Variants in GRIP1 observed in about 807,000 individuals in gnomAD.
GRIP1 encodes the protein glutamate receptor interacting protein 1.
Under a neutral mutation model 129.9 loss-of-function variants are expected in GRIP1, and 45 were observed. That is an observed-to-expected ratio of 0.35 (90% CI 0.27 to 0.44). The LOEUF is 0.44. Ranked by LOEUF, GRIP1 falls within the 20% of genes least tolerant of loss-of-function variation. The probability of loss-of-function intolerance (pLI) is 1.00; values close to 1 mark genes in which losing one functional copy is unlikely to be tolerated. For missense variants in GRIP1, 1,196 were observed against 1,396.8 expected, an observed-to-expected ratio of 0.86 and a Z score of 2.29; for synonymous variants, 530 against 520.8, an observed-to-expected ratio of 1.02 and a Z score of -0.24.
chr12:66,599,406 C>G (rs190168064), intron 1 of GRIP1, among the ~76,000 whole-genome samples: 2 of 152,290 alleles, frequency 1.3e-5, no homozygotes, highest in East Asian at 3.9e-4. Flanking sequence ...GGCATAGCAG[C>G]AGAGCAGCAT....
intron 1 of GRIP1, among the ~76,000 whole-genome samples, chr12:66,817,577 T>G (rs972688739): frequency 1.3e-5 from 2 of 151,660 alleles, no homozygotes; most frequent in African/African-American, 4.8e-5. Flanking sequence ...GCCTGGCTAA[T>G]TTTGTATTTT....
At chr12:66,956,918 C>G (rs1156632229) in intron 1 of GRIP1, among the ~76,000 whole-genome samples, 4 of 152,188 alleles carry the variant, frequency 2.6e-5, no homozygotes, top group Admixed American at 1.3e-4. Flanking sequence ...ACATGAGTCC[C>G]CACTGATACC....
chr12:66,590,808 T>C (rs2063824319), intron 2 of GRIP1, among the ~76,000 whole-genome samples: 1 of 152,202 alleles, frequency 6.6e-6, no homozygotes, highest in Non-Finnish European at 1.5e-5. Context: ...AGGCATTTTG[T>C]TGGAAATGTC....
intron 15 of GRIP1, among the ~76,000 whole-genome samples, chr12:66,411,649 G>T (rs1043737545): frequency 1.3e-5 from 2 of 152,214 alleles, no homozygotes; most frequent in African/African-American, 4.8e-5. Flanking sequence ...ATTGGCAGAA[G>T]TAGGCTTCAA....
chr12:66,367,153 T>A (rs1214079920), intron 23 of GRIP1, among the ~76,000 whole-genome samples: 1 of 152,202 alleles, frequency 6.6e-6, no homozygotes. Flanking sequence ...AGAAGGGTTA[T>A]CAATGAACGG....
intron 1 of GRIP1, among the ~76,000 whole-genome samples, chr12:66,953,536 A>C (rs1468796782): frequency 6.6e-6 from 1 of 152,220 alleles, no homozygotes; most frequent in Non-Finnish European, 1.5e-5. Flanking sequence ...CACAATGCTC[A>C]CAACGGTTAT....
At chr12:66,834,590 G>T (rs1056768804) in intron 1 of GRIP1, among the ~76,000 whole-genome samples, 6 of 152,118 alleles carry the variant, frequency 3.9e-5, no homozygotes, top group South Asian at 4.1e-4. Context: ...TATCATTTTC[G>T]TATGTATTTC....
chr12:66,698,689 G>A (rs2035248072), intron 1 of GRIP1, among the ~76,000 whole-genome samples: 2 of 152,026 alleles, frequency 1.3e-5, no homozygotes, highest in African/African-American at 4.8e-5. Context: ...GCTCTAGGGT[G>A]GTCCTCCCAC....
At chr12:66,504,914 C>G (rs2060487158) in intron 7 of GRIP1, among the ~76,000 whole-genome samples, 1 of 152,162 alleles carries the variant, frequency 6.6e-6, no homozygotes, top group Non-Finnish European at 1.5e-5. Context: ...CTGATAACCT[C>G]TAAACAATTG....
rs191043217 is a variant in GRIP1, at chr12:66,787,072, A to C, written c.-420+16981T>G. Among the ~76,000 whole-genome samples, 188 of 152,248 alleles carry C rather than the reference A, an allele frequency of 1.2e-3. 1 individual carries two copies. Among genetic ancestry groups the C allele is most frequent in the Admixed American group, 3.2e-3 (49 of 15,286 alleles). On this transcript the variant is annotated intron_variant, in intron 1 of 4. Transcript: ENST00000538373. Reference sequence around the variant, plus strand: ...GCTTATGAGGTTTAAATTTACGCACAAGTAACCTTGGATACCTAGTATTTG... The same window carrying C: ...GCTTATGAGGTTTAAATTTACGCACCAGTAACCTTGGATACCTAGTATTTG...
At chr12:66,382,635 T>C (rs2056165650) in intron 19 of GRIP1, among the ~76,000 whole-genome samples, 1 of 152,208 alleles carries the variant, frequency 6.6e-6, no homozygotes, top group Admixed American at 6.5e-5. Flanking sequence ...AGTTTCCTTA[T>C]CTTTAAAGTA....
At chr12:66,753,067 C>T (rs1385985772) in intron 1 of GRIP1, among the ~76,000 whole-genome samples, 1 of 152,112 alleles carries the variant, frequency 6.6e-6, no homozygotes, top group East Asian at 1.9e-4. Flanking sequence ...CTCCCCAGCC[C>T]CTACCCACCA....
At chr12:66,560,235 G>A (rs1269178614) in intron 2 of GRIP1, among the ~76,000 whole-genome samples, 4 of 151,912 alleles carry the variant, frequency 2.6e-5, no homozygotes, top group African/African-American at 9.7e-5. Context: ...AACATCAAGG[G>A]CACTCTCCAG....
intron 5 of GRIP1, among the ~76,000 whole-genome samples, chr12:66,524,820 A>T (rs993128144): frequency 2.0e-5 from 3 of 152,236 alleles, no homozygotes; most frequent in African/African-American, 7.2e-5. Flanking sequence ...AGAATCAAAT[A>T]GATGCAATAA....
At chr12:66,979,043 T>C (rs2042196632) in intron 1 of GRIP1, among the ~76,000 whole-genome samples, 1 of 151,822 alleles carries the variant, frequency 6.6e-6, no homozygotes, top group Non-Finnish European at 1.5e-5. Context: ...ACCATCTGGG[T>C]TCCTCCCCCA....
intron 1 of GRIP1, among the ~76,000 whole-genome samples, chr12:67,001,326 G>A (rs1293632271): frequency 6.6e-6 from 1 of 152,144 alleles, no homozygotes; most frequent in Non-Finnish European, 1.5e-5. Context: ...GGCTCCAAGA[G>A]TAAAAGAAAG....
intron 1 of GRIP1, among the ~76,000 whole-genome samples, chr12:66,684,883 G>A (rs576441273): frequency 7.9e-5 from 12 of 152,038 alleles, no homozygotes; most frequent in African/African-American, 1.9e-4. Flanking sequence ...GAAACGAAAC[G>A]AAACAAAACT....
chr12:66,628,214 G>A (rs2140019535), intron 1 of GRIP1, among the ~76,000 whole-genome samples: 1 of 152,282 alleles, frequency 6.6e-6, no homozygotes, highest in Non-Finnish European at 1.5e-5. Flanking sequence ...TAGATTGTGA[G>A]CTCACAGATA....
At chr12:67,025,820 T>C (rs1371425797) in intron 1 of GRIP1, among the ~76,000 whole-genome samples, 1 of 152,222 alleles carries the variant, frequency 6.6e-6, no homozygotes, top group African/African-American at 2.4e-5. Context: ...ATAAATAATT[T>C]ATTAAAATTA....
Sources: allele counts gnomAD v4.1 joint callset (sites outside exome capture counted in the v4.1 genomes callset), GRCh38; gene constraint gnomAD v4.1.1; transcripts MANE v1.5; gene names NCBI Gene and HGNC (gene_info 2026-07-23, HGNC 2026-07-21).